The following SOAT2 variants were observed in gnomAD, a reference collection of about 807,000 sequenced individuals.
The protein encoded by SOAT2 is ACAT-2.
A neutral mutation model predicts 76.0 loss-of-function variants in SOAT2; 87 were observed. The ratio of observed to expected loss-of-function variants is 1.14; its 90% CI spans 0.96 to 1.37. The LOEUF is 1.37. Ranked by LOEUF, SOAT2 falls within the 40% of genes most tolerant of loss-of-function variation. SOAT2 has a pLI of 0.00. For missense variants in SOAT2, 686 were observed against 682.1 expected (o/e 1.01, Z -0.06); for synonymous variants, 285 against 275.4 (o/e 1.03, Z -0.34).
intron 5 of SOAT2, among the ~76,000 whole-genome samples, chr12:53,112,454 G>T (rs28872924): frequency 6.6e-6 from 1 of 150,716 alleles, no homozygotes; most frequent in Non-Finnish European, 1.5e-5. Flanking sequence ...GCTGAAGCAG[G>T]AGAATTGCTT....
chr12:53,111,369 A>T (rs1435293297), intron 5 of SOAT2, among the ~76,000 whole-genome samples: 2 of 152,174 alleles, frequency 1.3e-5, no homozygotes. Flanking sequence ...GGCCTCCCAA[A>T]GTGCTGGGAT....
chr12:53,107,177 TATC>T (rs1333331776), intron 5 of SOAT2, among the ~76,000 whole-genome samples: 1 of 152,206 alleles, frequency 6.6e-6, no homozygotes, highest in African/African-American at 2.4e-5. Context: ...GATATTTATT[TATC>T]ATGAGAATCG....
intron 1 of SOAT2, 128 bp from the exon 2 acceptor site, chr12:53,104,023 C>A (rs1937884922): frequency 2.4e-6 from 2 of 834,818 alleles, no homozygotes; most frequent in South Asian, 2.7e-5. Flanking sequence ...AACCATGATA[C>A]TAGATATTGG....
rs774394450 is a variant in SOAT2 at position 53,105,578 on chromosome 12, TG to T, written c.297del (p.Lys100AsnfsTer15). 2.5e-6 allele frequency: 4 copies of T among 1,611,702 alleles called. No homozygotes were observed. Among genetic ancestry groups the T allele is most frequent in the Non-Finnish European group, 3.4e-6 (4 of 1,178,814 alleles). On this transcript the variant is annotated frameshift_variant, in exon 4 of 15. Coordinates refer to ENST00000301466, the MANE Select transcript of SOAT2 (RefSeq NM_003578.4). LOFTEE classifies it high-confidence loss of function. Reference sequence around the variant, plus strand: ...CAATTCAGGACCCAGGAGCCATCCCTGGGGAAACAGAAAGTTTTCATCATCC... The same window carrying T: ...CAATTCAGGACCCAGGAGCCATCCCTGGGAAACAGAAAGTTTTCATCATCC... ...GSLSRTQEPS[L>X]GKQKVFIIRK...
At chr12:53,122,497 G>T (rs1339099048) in intron 12 of SOAT2, among the ~76,000 whole-genome samples, 3 of 149,812 alleles carry the variant, frequency 2.0e-5, no homozygotes, top group Non-Finnish European at 2.9e-5. Flanking sequence ...CAGTGTTTGT[G>T]TCCCTGGGTA....
At chr12:53,117,032 C>T (rs1167436595) in intron 7 of SOAT2, among the ~76,000 whole-genome samples, 3 of 149,016 alleles carry the variant, frequency 2.0e-5, no homozygotes, top group African/African-American at 7.4e-5. Flanking sequence ...GATCTTGGCT[C>T]ACTGCAGCCT....
In SOAT2 at chr12:53,116,148, A is replaced by C; in HGVS notation, c.760A>C (p.Thr254Pro). ...CTTCCTGAGAGAGGCTGTGCCTGGG[A>C]CCCTTCGTGCCAGACGAGGTGAGGC... ...YSFLREAVPG[T>P]LRARRGEGIQ... Residue 254 changes from threonine to proline, a missense_variant, in exon 7 of 15, where the codon ACC becomes CCC. Coordinates refer to ENST00000301466, the MANE Select transcript of SOAT2 (RefSeq NM_003578.4). 2 of 1,614,060 alleles carry C rather than the reference A, an allele frequency of 1.2e-6. No homozygotes were observed. Among genetic ancestry groups the C allele is most frequent in the Non-Finnish European group, 1.7e-6 (2 of 1,179,950 alleles).
chr12:53,122,296 A>T (rs1164106361), intron 12 of SOAT2, among the ~76,000 whole-genome samples: 5 of 146,486 alleles, frequency 3.4e-5, no homozygotes, highest in African/African-American at 1.3e-4. Context: ...AAATACTTTC[A>T]TCTGACACAG....
At chr12:53,116,713 T>C (rs1938111427) in intron 7 of SOAT2, among the ~76,000 whole-genome samples, 1 of 151,892 alleles carries the variant, frequency 6.6e-6, no homozygotes, top group Non-Finnish European at 1.5e-5. Context: ...AAAAAACTTT[T>C]TAAAATTAGC....
chr12:53,113,116 G>A (rs1938049144), intron 5 of SOAT2, among the ~76,000 whole-genome samples: 1 of 152,134 alleles, frequency 6.6e-6, no homozygotes, highest in South Asian at 2.1e-4. Flanking sequence ...AAGGGAATAA[G>A]ACAGATACAC....
At chr12:53,120,746 G>C in intron 10 of SOAT2, 40 bp from the exon 11 acceptor site, 5 of 1,492,266 alleles carry the variant, frequency 3.4e-6, no homozygotes, top group Non-Finnish European at 4.7e-6. Context: ...GGGTCCATGT[G>C]GGCCAGCCTG....
chr12:53,123,748 C>T lies in SOAT2; in HGVS notation c.1393C>T (p.His465Tyr). 1 of 1,614,172 alleles carries T rather than the reference C, an allele frequency of 6.2e-7. No homozygotes were observed. Among genetic ancestry groups the T allele is most frequent in the Non-Finnish European group, 8.5e-7 (1 of 1,180,028 alleles). Residue 465 changes from histidine to tyrosine, a missense_variant, in exon 14 of 15, where the codon CAT (histidine) becomes TAT (tyrosine). Physicochemically the swap from His to Tyr is moderately conservative, Grantham distance 83. Coordinates refer to ENST00000301466, the MANE Select transcript of SOAT2 (RefSeq NM_003578.4). ...ACCAGGAATGTTGAACTTCATGATG[C>T]ATGACCAGCGCACCGGCCCGGCATG... ...VIGGMLNFMMHDQRTGPAWNV... is the reference protein window; with the variant it reads ...VIGGMLNFMMYDQRTGPAWNV...
At chr12:53,108,130 G>A (rs1246652789) in intron 5 of SOAT2, among the ~76,000 whole-genome samples, 5 of 152,156 alleles carry the variant, frequency 3.3e-5, no homozygotes, top group South Asian at 2.1e-4. Flanking sequence ...TTTTAAAGCC[G>A]AGCCCAGCCA....
intron 3 of SOAT2, 123 bp from the exon 4 acceptor site, chr12:53,105,438 C>T: frequency 1.6e-6 from 2 of 1,219,284 alleles, no homozygotes; most frequent in Non-Finnish European, 2.3e-6. Context: ...CCGGTCCTGC[C>T]CTCTGGCCCT....
rs560699596 is a variant in SOAT2 at position 53,124,101 on chromosome 12, G to C, written c.1547G>C (p.Arg516Pro). 3 of 1,614,038 alleles carry C rather than the reference G, an allele frequency of 1.9e-6. No individual in the cohort carries two copies. Among genetic ancestry groups the C allele is most frequent in the Non-Finnish European group, 2.5e-6 (3 of 1,180,040 alleles). The change falls in exon 15 of 15, where the codon CGA (arginine) becomes CCA (proline). Residue 516 changes from arginine to proline, a missense_variant. Transcript: ENST00000301466. The stretch of plus-strand genomic sequence containing the variant: ...ACTTTCTGGGGGCTGGTGACACCTC[G>C]ATCTTGGTCCTGCCATACCTAGAGG... The part of the protein sequence containing the change: ...QATFWGLVTP[R>P]SWSCHT
Position 53,119,267 on chromosome 12 carries a change from G to T in SOAT2, c.1039+14G>T. 1 of 1,613,626 alleles carries T rather than the reference G, an allele frequency of 6.2e-7. No homozygotes were observed. Among genetic ancestry groups the T allele is most frequent in the South Asian group, 1.1e-5 (1 of 91,028 alleles). ...CCACGTTGCCAGGTGAGCCAACTAA[G>T]GTAGGGCTAGAGCAGCTGTGCCCTG... On this transcript the variant is annotated intron_variant, in intron 10 of 14. Transcript: ENST00000301466.
chr12:53,122,820 C>T (rs1371927024), intron 12 of SOAT2, among the ~76,000 whole-genome samples: 1 of 152,178 alleles, frequency 6.6e-6, no homozygotes, highest in Non-Finnish European at 1.5e-5. Flanking sequence ...CCATTGTCAT[C>T]ATGGCCCGTT....
At chr12:53,109,720 T>TCA (rs1317911598) in intron 5 of SOAT2, among the ~76,000 whole-genome samples, 1 of 152,156 alleles carries the variant, frequency 6.6e-6, no homozygotes, top group African/African-American at 2.4e-5. Context: ...ACTCCTGACC[T>TCA]CAAGCGATCC....
intron 1 of SOAT2, among the ~76,000 whole-genome samples, 199 bp downstream of exon 1, chr12:53,103,858 G>T (rs1459915792): frequency 6.6e-6 from 1 of 152,194 alleles, no homozygotes; most frequent in Non-Finnish European, 1.5e-5. Flanking sequence ...CAGAGCTGTG[G>T]CCTGGCCTTA....
Sources: allele counts gnomAD v4.1 joint callset (sites outside exome capture counted in the v4.1 genomes callset), GRCh38; gene constraint gnomAD v4.1.1; transcripts MANE v1.5; gene names NCBI Gene and HGNC (gene_info 2026-07-23, HGNC 2026-07-21).